NALF1: variants seen among roughly 807,000 people sequenced by gnomAD.
NALF1 encodes the protein NALCN channel auxiliary factor 1.
Under a neutral mutation model 48.4 loss-of-function variants are expected in NALF1, and 3 were observed. The observed-to-expected ratio is 0.06, with a 90% CI of 0.03 to 0.16. NALF1 has a LOEUF of 0.16. NALF1 is among the 10% of genes least tolerant of loss of function. The pLI is 1.00. For synonymous variants in NALF1, 262 were observed against 245.7 expected, an observed-to-expected ratio of 1.07 and a Z score of -0.62; for missense variants, 526 against 571.5, an observed-to-expected ratio of 0.92 and a Z score of 0.81.
At chr13:107,715,618 G>A (rs1468895339) in intron 1 of NALF1, among the ~76,000 whole-genome samples, 1 of 152,112 alleles carries the variant, frequency 6.6e-6, no homozygotes, top group Non-Finnish European at 1.5e-5. Context: ...GCCGCCTGTG[G>A]TGTGAGCTTT....
rs55884420 is a variant in NALF1 at position 107,703,363 on chromosome 13, G to GT, written c.915+162318dup. Among the ~76,000 whole-genome samples, 242 of 112,006 alleles carry GT rather than the reference G, an allele frequency of 2.2e-3. 1 individual carries two copies. Among genetic ancestry groups the GT allele is most frequent in the African/African-American group, 6.8e-3 (208 of 30,554 alleles). 73.5% of individuals were successfully genotyped at this position (112,006 alleles called of 152,430 possible). ...TGCCTTGCATGTCTTCATTTGCTTA[G>GT]TTTTTTTTTTTTTTTTTTGGACAGA... On this transcript the variant is annotated intron_variant, in intron 1 of 2. Coordinates refer to ENST00000375915, the MANE Select transcript of NALF1 (RefSeq NM_001080396.3).
At chr13:107,445,228 C>A (rs2139029760) in intron 1 of NALF1, among the ~76,000 whole-genome samples, 1 of 152,324 alleles carries the variant, frequency 6.6e-6, no homozygotes, top group South Asian at 2.1e-4. Flanking sequence ...CTTAAAGTAG[C>A]TCTTTACAGC....
At chr13:107,188,275 AAATT>A (rs2138781832) in intron 2 of NALF1, among the ~76,000 whole-genome samples, 1 of 152,340 alleles carries the variant, frequency 6.6e-6, no homozygotes, top group African/African-American at 2.4e-5. Flanking sequence ...AACTTACAAA[AAATT>A]AAAAACATCA....
At chr13:107,245,147 T>C (rs1408569) in intron 1 of NALF1, among the ~76,000 whole-genome samples, 21,355 of 152,182 alleles carry the variant, frequency 0.14, 1,968 homozygotes, top group East Asian at 0.41. Flanking sequence ...GTAATATTGT[T>C]TGTTTCTAAA....
chr13:107,320,404 A>G (rs60870968), intron 1 of NALF1, among the ~76,000 whole-genome samples: 10,559 of 152,196 alleles, frequency 0.069, 578 homozygotes, highest in African/African-American at 0.15. Flanking sequence ...TTCCACTGTT[A>G]ATCAGTGAAA....
intron 1 of NALF1, among the ~76,000 whole-genome samples, chr13:107,626,426 A>G (rs1409732589): frequency 6.6e-6 from 1 of 152,080 alleles, no homozygotes; most frequent in Non-Finnish European, 1.5e-5. Context: ...TATACCCAAA[A>G]GAAGAAAGGA....
intron 1 of NALF1, among the ~76,000 whole-genome samples, chr13:107,617,405 T>C (rs2138437689): frequency 6.6e-6 from 1 of 152,356 alleles, no homozygotes; most frequent in East Asian, 1.9e-4. Context: ...TTGGCTTTTT[T>C]CTTTTTGCAT....
intron 1 of NALF1, among the ~76,000 whole-genome samples, chr13:107,455,937 G>C (rs1424842504): frequency 1.3e-5 from 2 of 151,820 alleles, no homozygotes; most frequent in African/African-American, 4.8e-5. Context: ...AAGGTATTTT[G>C]GTTGTTTAAT....
chr13:107,435,439 T>C lies in NALF1; in HGVS notation c.916-224684A>G, dbSNP rs115103134. ...TACACGCAGACAGCTGTTTTGGCTG[T>C]TTCATTTCTCTCAGCGGTGAATCTG... On this transcript the variant is annotated intron_variant, in intron 1 of 2. Transcript: ENST00000375915. 9.3e-3 allele frequency among the ~76,000 whole-genome samples: 1,419 copies of C among 152,284 alleles called. 15 individuals are homozygous for C. Among genetic ancestry groups the C allele is most frequent in the African/African-American group, 0.033 (1,367 of 41,556 alleles).
intron 1 of NALF1, among the ~76,000 whole-genome samples, chr13:107,256,481 G>C (rs531718302): frequency 8.5e-5 from 13 of 152,196 alleles, no homozygotes; most frequent in African/African-American, 3.1e-4. Flanking sequence ...ATTAAAAAGT[G>C]CTTCATATAT....
At chr13:107,607,326 G>A (rs1879100393) in intron 1 of NALF1, among the ~76,000 whole-genome samples, 4 of 152,018 alleles carry the variant, frequency 2.6e-5, no homozygotes, top group Admixed American at 2.6e-4. Context: ...TTATAAATAA[G>A]CAAGCCAACA....
intron 1 of NALF1, among the ~76,000 whole-genome samples, chr13:107,683,072 G>A (rs1188396998): frequency 6.6e-6 from 1 of 152,042 alleles, no homozygotes; most frequent in Non-Finnish European, 1.5e-5. Flanking sequence ...GACCAGCCTG[G>A]GAAGCAAAGT....
intron 1 of NALF1, among the ~76,000 whole-genome samples, chr13:107,733,414 C>A (rs1454105352): frequency 1.3e-5 from 2 of 152,158 alleles, no homozygotes; most frequent in Non-Finnish European, 2.9e-5. Context: ...TTCAGAATGG[C>A]TTAAATCTTA....
intron 1 of NALF1, among the ~76,000 whole-genome samples, chr13:107,572,326 GCAAA>G (rs772259462): frequency 2.0e-5 from 3 of 152,040 alleles, no homozygotes; most frequent in Non-Finnish European, 4.4e-5. Context: ...TCTCCATGGA[GCAAA>G]CAAAGGGCAG....
At chr13:107,352,215 T>C (rs1468544912) in intron 1 of NALF1, among the ~76,000 whole-genome samples, 2 of 152,088 alleles carry the variant, frequency 1.3e-5, no homozygotes, top group African/African-American at 2.4e-5. Flanking sequence ...TTGTGTTTCA[T>C]GGGAAGGAAA....
intron 1 of NALF1, among the ~76,000 whole-genome samples, chr13:107,390,351 G>GA (rs796902886): frequency 0.03 from 3,953 of 130,334 alleles, 171 homozygotes; most frequent in African/African-American, 0.11. Flanking sequence ...TCTCAAAAAA[G>GA]AAAAAAAAAA....
intron 1 of NALF1, among the ~76,000 whole-genome samples, chr13:107,292,747 T>C (rs1330120114): frequency 6.6e-6 from 1 of 152,186 alleles, no homozygotes; most frequent in African/African-American, 2.4e-5. Context: ...GTAGAAAAAG[T>C]ATATTCTAAA....
At chr13:107,846,256 G>A (rs1444094900) in intron 1 of NALF1, among the ~76,000 whole-genome samples, 1 of 152,138 alleles carries the variant, frequency 6.6e-6, no homozygotes, top group Non-Finnish European at 1.5e-5. Flanking sequence ...CTTCCGCCAT[G>A]AAACCCACCA....
At chr13:107,212,059 GC>G (rs1055303641) in intron 1 of NALF1, among the ~76,000 whole-genome samples, 1 of 152,190 alleles carries the variant, frequency 6.6e-6, no homozygotes, top group African/African-American at 2.4e-5. Flanking sequence ...TACTTTTAAA[GC>G]ACTTATGAAA....
Sources: gnomAD v4.1 joint callset for allele counts (sites outside exome capture counted in the v4.1 genomes callset) on GRCh38, gnomAD v4.1.1 for gene constraint, MANE v1.5 for transcripts, NCBI Gene and HGNC (gene_info 2026-07-23, HGNC 2026-07-21) for gene names.